The following FEZ2 variants were observed in gnomAD, a reference collection of about 807,000 sequenced individuals.
The protein encoded by FEZ2 is fasciculation and elongation protein zeta-2.
In FEZ2, 51 loss-of-function variants were observed where a neutral mutation model predicts 40.4. That is an observed-to-expected ratio of 1.26 (90% CI 1.01 to 1.59). The LOEUF (loss-of-function observed/expected upper bound fraction) is 1.59, where lower values mean the gene tolerates loss of function less well. FEZ2 is among the 40% of genes most tolerant of loss of function. FEZ2 has a pLI of 0.00. For missense variants in FEZ2, 640 were observed against 438.3 expected (o/e 1.46, Z -4.11); for synonymous variants, 242 against 172.0 (o/e 1.41, Z -3.18).
chr2:36,581,854 T>G (rs1259211365), intron 3 of FEZ2, among the ~76,000 whole-genome samples: 1 of 152,068 alleles, frequency 6.6e-6, no homozygotes, highest in Non-Finnish European at 1.5e-5. Context: ...CATCAAAAAT[T>G]CTGACATAAA....
intron 1 of FEZ2, among the ~76,000 whole-genome samples, chr2:36,596,355 A>C (rs377158817): frequency 8.5e-5 from 13 of 152,216 alleles, no homozygotes; most frequent in Non-Finnish European, 1.8e-4. Context: ...ATCAGGCTGG[A>C]AACTCCTTTC....
At chr2:36,563,562 CT>C (rs1307632642) in intron 5 of FEZ2, among the ~76,000 whole-genome samples, 1 of 151,764 alleles carries the variant, frequency 6.6e-6, no homozygotes, top group Non-Finnish European at 1.5e-5. Context: ...TGAGAACGTG[CT>C]CCTATCAAAC....
chr2:36,564,445 A>G (rs573120826), intron 5 of FEZ2, among the ~76,000 whole-genome samples: 35 of 152,282 alleles, frequency 2.3e-4, no homozygotes, highest in African/African-American at 8.2e-4. Context: ...CATTCCAGGT[A>G]TTAGAGATTC....
intron 5 of FEZ2, among the ~76,000 whole-genome samples, chr2:36,567,823 G>A (rs1296192801): frequency 1.3e-5 from 2 of 151,958 alleles, no homozygotes; most frequent in Admixed American, 6.6e-5. Context: ...GCAAGTAGGA[G>A]ATCAGTGAAC....
chr2:36,583,653 G>C (rs534088871), intron 2 of FEZ2, among the ~76,000 whole-genome samples, 184 bp from the exon 3 acceptor site: 1 of 152,198 alleles, frequency 6.6e-6, no homozygotes, highest in East Asian at 1.9e-4. Context: ...GAAATGAGAA[G>C]AATGTAGAAT....
chr2:36,577,792 G>C (rs1223163129), intron 5 of FEZ2, among the ~76,000 whole-genome samples: 3 of 152,130 alleles, frequency 2.0e-5, no homozygotes, highest in African/African-American at 7.2e-5. Context: ...ATCAAAAACA[G>C]AACTCATATT....
At chr2:36,596,116 G>C (rs1224952201) in intron 1 of FEZ2, among the ~76,000 whole-genome samples, 1 of 152,114 alleles carries the variant, frequency 6.6e-6, no homozygotes, top group Non-Finnish European at 1.5e-5. Context: ...GTCATCTTTT[G>C]CTACTGACGG....
At chr2:36,583,081 G>A (rs1668799824) in intron 3 of FEZ2, among the ~76,000 whole-genome samples, 1 of 152,104 alleles carries the variant, frequency 6.6e-6, no homozygotes, top group Non-Finnish European at 1.5e-5. Flanking sequence ...ATATTTTTCT[G>A]GTTTGGGGTT....
chr2:36,558,651 G>A (rs942968005), intron 5 of FEZ2, 138 bp from the exon 6 acceptor site: 2 of 465,760 alleles, frequency 4.3e-6, no homozygotes, highest in Admixed American at 3.8e-5. Flanking sequence ...GGTATTGTAT[G>A]GGAATAAAGT....
At chr2:36,556,801 A>ATT (rs1667971796) in intron 6 of FEZ2, 1 of 152,234 alleles carries the variant, frequency 6.6e-6, no homozygotes, top group African/African-American at 2.4e-5. Context: ...AATTATTTAA[A>ATT]TTTTTATTAA....
intron 7 of FEZ2, chr2:36,555,481 C>T (rs972625447): frequency 1.1e-5 from 4 of 378,508 alleles, no homozygotes; most frequent in Non-Finnish European, 1.4e-5. Context: ...CAACCCAGAA[C>T]CTCCAATAAA....
At chr2:36,580,956 A>C (rs535628453) in intron 4 of FEZ2, among the ~76,000 whole-genome samples, 125 of 152,304 alleles carry the variant, frequency 8.2e-4, no homozygotes, top group Admixed American at 2.5e-3. Context: ...GTTCGAGACC[A>C]GCCTGGCCAA....
At chr2:36,578,565 G>C in intron 5 of FEZ2, 32 bp downstream of exon 5, 2 of 1,588,860 alleles carry the variant, frequency 1.3e-6, no homozygotes, top group Non-Finnish European at 8.6e-7. Context: ...CCTGTTTCCA[G>C]TGTTCGACGC....
chr2:36,572,753 A>G (rs746333087), intron 5 of FEZ2, among the ~76,000 whole-genome samples: 7 of 152,208 alleles, frequency 4.6e-5, no homozygotes, highest in Non-Finnish European at 1.0e-4. Flanking sequence ...TCCAAATTAA[A>G]AAGAAGGGGG....
intron 5 of FEZ2, among the ~76,000 whole-genome samples, chr2:36,573,106 C>T (rs1405831262): frequency 1.3e-5 from 2 of 152,094 alleles, no homozygotes; most frequent in Non-Finnish European, 2.9e-5. Context: ...GAGTGTAACA[C>T]AGTAGAAATT....
intron 3 of FEZ2, among the ~76,000 whole-genome samples, chr2:36,581,992 T>A (rs1226779785): frequency 6.6e-6 from 1 of 152,116 alleles, no homozygotes; most frequent in Admixed American, 6.5e-5. Flanking sequence ...AGGGATTTTT[T>A]AAATTACTCA....
rs537873218 is a variant in FEZ2 at position 36,590,073 on chromosome 2, C to T, written c.375+830G>A. On this transcript the variant is annotated intron_variant, in intron 2 of 7. Transcript: ENST00000405912. ...AACCCTTTTCTGCCTCCCTACCTGT[C>T]CCACCACTCGTGCTCACACTTCTTA... is the stretch of plus-strand genomic sequence containing the variant. The T allele has an allele frequency of 3.3e-5, 5 of 152,322 alleles. No individual in the cohort carries two copies. The East Asian group carries it at 9.6e-4, about 29-fold the overall frequency. The allele number at this position is 152,322 out of a possible 1,614,324, so 9.4% of individuals were successfully genotyped here. A position where few individuals can be genotyped will look rare whatever the true frequency, so the allele number is the denominator to read the frequency against.
chr2:36,556,138 C>A, intron 6 of FEZ2: 1 of 423,122 alleles, frequency 2.4e-6, no homozygotes. Context: ...CTCAGTGCTG[C>A]AGATCAAGCA....
intron 5 of FEZ2, among the ~76,000 whole-genome samples, chr2:36,572,949 C>A (rs551341476): frequency 2.6e-5 from 4 of 152,146 alleles, no homozygotes; most frequent in African/African-American, 9.7e-5. Context: ...CCCTAACCCC[C>A]GAAAAGCAAT....
Sources: gnomAD v4.1 joint callset for allele counts (sites outside exome capture counted in the v4.1 genomes callset) on GRCh38, gnomAD v4.1.1 for gene constraint, MANE v1.5 for transcripts, NCBI Gene and HGNC (gene_info 2026-07-23, HGNC 2026-07-21) for gene names.